The following AGTPBP1 variants were observed in gnomAD, a reference collection of about 807,000 sequenced individuals.
The protein encoded by AGTPBP1 is ATP/GTP binding carboxypeptidase 1, also known as cytosolic carboxypeptidase 1.
A neutral mutation model predicts 143.9 loss-of-function variants in AGTPBP1; 70 were observed. The observed-to-expected ratio is 0.49, with a 90% CI of 0.40 to 0.59. The LOEUF is 0.59. AGTPBP1 is among the 20% of genes least tolerant of loss of function. The pLI is 0.00. For missense variants in AGTPBP1, 1,229 were observed against 1,464.5 expected (o/e 0.84, Z 2.62); for synonymous variants, 463 against 500.2 (o/e 0.93, Z 0.99).
chr9:85,605,571 T>C (rs1323217585), intron 17 of AGTPBP1, among the ~76,000 whole-genome samples: 1 of 152,096 alleles, frequency 6.6e-6, no homozygotes, highest in African/African-American at 2.4e-5. Flanking sequence ...TCAATCGTAA[T>C]AATAACTACA....
chr9:85,669,014 TACAC>T (rs139321417), intron 8 of AGTPBP1, among the ~76,000 whole-genome samples: 3,064 of 120,508 alleles, frequency 0.025, 83 homozygotes, highest in African/African-American at 0.063. Context: ...TGTGTATACA[TACAC>T]ACACACACAC....
chr9:85,678,739 G>A (rs547657320), intron 4 of AGTPBP1, among the ~76,000 whole-genome samples: 14 of 152,166 alleles, frequency 9.2e-5, no homozygotes, highest in Non-Finnish European at 1.5e-4. Context: ...TCACTTAGCT[G>A]CCCTCTCAGA....
At chr9:85,658,684 TAC>T (rs1321219728) in intron 9 of AGTPBP1, among the ~76,000 whole-genome samples, 2 of 152,160 alleles carry the variant, frequency 1.3e-5, no homozygotes, top group Non-Finnish European at 2.9e-5. Flanking sequence ...CCTGAATTAT[TAC>T]AGTTTCTAAA....
chr9:85,606,116 C>T (rs1175859256), intron 17 of AGTPBP1, among the ~76,000 whole-genome samples: 1 of 151,970 alleles, frequency 6.6e-6, no homozygotes, highest in Non-Finnish European at 1.5e-5. Context: ...AAGAAACAAC[C>T]TGTCGAATGG....
intron 19 of AGTPBP1, among the ~76,000 whole-genome samples, chr9:85,592,003 A>G (rs963647736): frequency 6.6e-6 from 1 of 152,084 alleles, no homozygotes; most frequent in Non-Finnish European, 1.5e-5. Context: ...ACACAAAACA[A>G]CTCTTATACC....
At chr9:85,741,304 T>C (rs578043528) in intron 1 of AGTPBP1, 6 of 985,190 alleles carry the variant, frequency 6.1e-6, no homozygotes, top group African/African-American at 1.7e-5. Flanking sequence ...ACGCTAGAAT[T>C]CTCGAAGCAC....
intron 3 of AGTPBP1, among the ~76,000 whole-genome samples, chr9:85,691,705 C>A (rs1835889696): frequency 6.6e-6 from 1 of 152,012 alleles, no homozygotes; most frequent in African/African-American, 2.4e-5. Flanking sequence ...GAAATGTGTT[C>A]TTTAACAATG....
intron 6 of AGTPBP1, 21 bp downstream of exon 6, chr9:85,677,415 C>T (rs1218565328): frequency 1.3e-6 from 2 of 1,599,602 alleles, no homozygotes; most frequent in Non-Finnish European, 1.7e-6. Context: ...ATACAATAAT[C>T]ATACAAATGA....
the AGTPBP1 span, among the ~76,000 whole-genome samples, chr9:85,751,018 T>C: frequency 6.6e-6 from 1 of 152,204 alleles, no homozygotes; most frequent in South Asian, 2.1e-4. Context: ...CGTACCTCTC[T>C]GCTCTTTCAG....
chr9:85,725,672 G>T (rs1838426289), intron 1 of AGTPBP1, among the ~76,000 whole-genome samples: 1 of 151,764 alleles, frequency 6.6e-6, no homozygotes. Flanking sequence ...CACTTTGGGA[G>T]GCCAAGGTGG....
At chr9:85,575,536 C>A (rs931695765) in intron 24 of AGTPBP1, 61 bp from the exon 25 acceptor site, 71 of 1,357,830 alleles carry the variant, frequency 5.2e-5, no homozygotes, top group Non-Finnish European at 6.6e-5. Flanking sequence ...GGATACAGCT[C>A]AATGAAATTA....
chr9:85,777,688 G>A, the AGTPBP1 span, among the ~76,000 whole-genome samples: 1 of 152,350 alleles, frequency 6.6e-6, no homozygotes, highest in South Asian at 2.1e-4. Context: ...ACTACTCAGA[G>A]AGGTCCATCC....
intron 25 of AGTPBP1, among the ~76,000 whole-genome samples, chr9:85,573,457 C>T (rs990541745): frequency 1.3e-5 from 2 of 152,194 alleles, no homozygotes; most frequent in Non-Finnish European, 2.9e-5. Context: ...CCCGCTACAA[C>T]CTCCACCTCC....
chr9:85,660,869 T>G (rs1833813699), intron 9 of AGTPBP1, 67 bp downstream of exon 9: 1 of 1,166,152 alleles, frequency 8.6e-7, no homozygotes, highest in Non-Finnish European at 1.2e-6. Flanking sequence ...ATTTCCAGTT[T>G]CTTTAACATA....
chr9:85,689,898 C>CAAAAAAAAAAAA (rs1156931410), intron 3 of AGTPBP1, among the ~76,000 whole-genome samples: 1 of 28,340 alleles, frequency 3.5e-5, no homozygotes, highest in Non-Finnish European at 5.9e-5. Flanking sequence ...GACTCTGCCT[C>CAAAAAAAAAAAA]AAAAAAAAAA....
At chr9:85,701,450 A>T (rs1407354470) in intron 2 of AGTPBP1, among the ~76,000 whole-genome samples, 1 of 150,832 alleles carries the variant, frequency 6.6e-6, no homozygotes, top group African/African-American at 2.4e-5. Flanking sequence ...GGCTGGTCTT[A>T]AACTCCTGAC....
At chr9:85,597,921 TATTTC>T (rs1339026110) in intron 17 of AGTPBP1, among the ~76,000 whole-genome samples, 1 of 152,158 alleles carries the variant, frequency 6.6e-6, no homozygotes, top group Admixed American at 6.5e-5. Context: ...TGATCTTTCT[TATTTC>T]AATTTACTTT....
the AGTPBP1 span, among the ~76,000 whole-genome samples, chr9:85,795,521 T>A: frequency 1.3e-5 from 2 of 152,192 alleles, no homozygotes; most frequent in African/African-American, 4.8e-5. Context: ...CAACAACCAT[T>A]TGAATGCGAA....
At chr9:85,660,233 A>C (rs574050840) in intron 9 of AGTPBP1, among the ~76,000 whole-genome samples, 265 of 152,242 alleles carry the variant, frequency 1.7e-3, no homozygotes, top group African/African-American at 6.3e-3. Flanking sequence ...CCCAGCCACC[A>C]ACACAGATTG....
Sources: allele counts gnomAD v4.1 joint callset (sites outside exome capture counted in the v4.1 genomes callset), GRCh38; gene constraint gnomAD v4.1.1; transcripts MANE v1.5; gene names NCBI Gene and HGNC (gene_info 2026-07-23, HGNC 2026-07-21).